Variants in COL25A1 observed in about 807,000 individuals in gnomAD.
COL25A1 encodes collagen type XXV alpha 1 chain.
In COL25A1, 103 loss-of-function variants were observed where a neutral mutation model predicts 128.4. The observed-to-expected ratio is 0.80, with a 90% CI of 0.68 to 0.94. The LOEUF (loss-of-function observed/expected upper bound fraction) is 0.94, where lower values mean the gene tolerates loss of function less well. COL25A1 is among the 40% of genes least tolerant of loss of function. The pLI is 0.00. For synonymous variants in COL25A1, 279 were observed against 277.2 expected, an observed-to-expected ratio of 1.01 and a Z score of -0.06; for missense variants, 745 against 840.0, an observed-to-expected ratio of 0.89 and a Z score of 1.40.
At chr4:109,301,679 G>A in intron 2 of COL25A1, 44 bp downstream of exon 2, 1 of 1,583,896 alleles carries the variant, frequency 6.3e-7, no homozygotes. Context: ...AGTCACGCTT[G>A]TACAAGATGT....
chr4:108,936,491 C>G (rs1317685903), intron 11 of COL25A1, among the ~76,000 whole-genome samples: 1 of 152,090 alleles, frequency 6.6e-6, no homozygotes, highest in Non-Finnish European at 1.5e-5. Context: ...CGCTTGAACC[C>G]AGGAGGTGGT....
intron 5 of COL25A1, among the ~76,000 whole-genome samples, chr4:109,024,421 G>C (rs1278932981): frequency 6.6e-6 from 1 of 151,420 alleles, no homozygotes. Context: ...ATATTTTCTA[G>C]GACATAATTT....
At chr4:109,278,599 A>C (rs1374337878) in intron 3 of COL25A1, among the ~76,000 whole-genome samples, 1 of 152,226 alleles carries the variant, frequency 6.6e-6, no homozygotes, top group Non-Finnish European at 1.5e-5. Flanking sequence ...TACACTGAGT[A>C]CTTAGGCCTG....
At chr4:108,954,349 A>AT (rs1161022088) in intron 8 of COL25A1, among the ~76,000 whole-genome samples, 1 of 152,096 alleles carries the variant, frequency 6.6e-6, no homozygotes, top group African/African-American at 2.4e-5. Context: ...AATGCAGTAC[A>AT]TTTTTTATAT....
intron 3 of COL25A1, among the ~76,000 whole-genome samples, chr4:109,052,680 GA>G (rs1761106354): frequency 6.6e-6 from 1 of 152,136 alleles, no homozygotes; most frequent in Admixed American, 6.6e-5. Flanking sequence ...GATGTTTGAA[GA>G]AGTCTACTGT....
chr4:108,963,552 C>T (rs970857860), intron 8 of COL25A1, among the ~76,000 whole-genome samples: 14 of 152,042 alleles, frequency 9.2e-5, no homozygotes, highest in Middle Eastern at 3.4e-3. Context: ...CCATTGTAGG[C>T]GTTAGTGCAA....
intron 6 of COL25A1, among the ~76,000 whole-genome samples, chr4:108,977,921 T>G (rs575737099): frequency 1.3e-5 from 2 of 152,226 alleles, no homozygotes; most frequent in Non-Finnish European, 2.9e-5. Flanking sequence ...CTTTTGCCAG[T>G]GAGATTTCAC....
chr4:109,259,547 A>G (rs936981546), intron 3 of COL25A1, among the ~76,000 whole-genome samples: 11 of 152,164 alleles, frequency 7.2e-5, no homozygotes, highest in Admixed American at 5.2e-4. Flanking sequence ...ATAAAGCCCA[A>G]AGGCAAGGTT....
At chr4:109,031,970 T>C (rs1352632844) in intron 5 of COL25A1, among the ~76,000 whole-genome samples, 1 of 152,212 alleles carries the variant, frequency 6.6e-6, no homozygotes, top group Non-Finnish European at 1.5e-5. Context: ...TAGCATTACA[T>C]TCTGCCTTAA....
intron 3 of COL25A1, among the ~76,000 whole-genome samples, chr4:109,178,504 T>G (rs1022707480): frequency 5.9e-5 from 9 of 152,120 alleles, no homozygotes; most frequent in Admixed American, 5.2e-4. Flanking sequence ...CTATCTGATC[T>G]CTGTAAGCCT....
rs1330022339 is a variant in COL25A1 at position 108,852,156 on chromosome 4, G to T, written c.1389+80C>A. 7.2e-6 allele frequency: 8 copies of T among 1,105,350 alleles called. No homozygotes were observed. The African/African-American group carries it at 1.1e-4, about 16-fold the overall frequency. 68.5% of individuals were successfully genotyped at this position (1,105,350 alleles called of 1,614,324 possible). On this transcript the variant is annotated intron_variant, in intron 26 of 37. Coordinates refer to ENST00000399132, the MANE Select transcript of COL25A1 (RefSeq NM_198721.4). ...AGCTTCTTCAGCATTTTGTAAGACTGATTTTCAAAGATGCATATACTTAAT... is the reference window on the plus strand; with the variant it reads ...AGCTTCTTCAGCATTTTGTAAGACTTATTTTCAAAGATGCATATACTTAAT...
chr4:108,991,629 C>T (rs1754239513), intron 6 of COL25A1, among the ~76,000 whole-genome samples: 1 of 150,712 alleles, frequency 6.6e-6, no homozygotes, highest in African/African-American at 2.4e-5. Context: ...TATGACAGTT[C>T]TGTTGTGTAG....
intron 3 of COL25A1, among the ~76,000 whole-genome samples, chr4:109,221,734 C>A (rs1778425789): frequency 6.6e-6 from 1 of 152,122 alleles, no homozygotes; most frequent in African/African-American, 2.4e-5. Flanking sequence ...GGGCTCTTAA[C>A]CAGTGTTACT....
At chr4:108,996,605 C>T (rs2126021681) in intron 6 of COL25A1, among the ~76,000 whole-genome samples, 1 of 152,292 alleles carries the variant, frequency 6.6e-6, no homozygotes, top group African/African-American at 2.4e-5. Context: ...GTGAACTCAG[C>T]TCTGGATCAA....
At chr4:109,242,234 G>T (rs1235557130) in intron 3 of COL25A1, among the ~76,000 whole-genome samples, 1 of 152,058 alleles carries the variant, frequency 6.6e-6, no homozygotes, top group Admixed American at 6.6e-5. Context: ...TTCACATCAT[G>T]TGTTTCAGAA....
At chr4:109,093,378 G>T (rs549865994) in intron 3 of COL25A1, among the ~76,000 whole-genome samples, 1 of 150,008 alleles carries the variant, frequency 6.7e-6, no homozygotes, top group Non-Finnish European at 1.5e-5. Flanking sequence ...TCAGTACTTT[G>T]GGAGGCCAAA....
chr4:109,044,136 T>C (rs1214284093), intron 5 of COL25A1, among the ~76,000 whole-genome samples: 5 of 152,040 alleles, frequency 3.3e-5, no homozygotes, highest in African/African-American at 9.7e-5. Flanking sequence ...TATAAATATA[T>C]ATATCTCAAA....
intron 24 of COL25A1, among the ~76,000 whole-genome samples, chr4:108,855,676 A>G (rs926434587): frequency 6.6e-6 from 1 of 152,168 alleles, no homozygotes; most frequent in African/African-American, 2.4e-5. Context: ...AATATTATTA[A>G]TAGTAACTGA....
At chr4:108,815,645 G>C (rs1007998045) in intron 37 of COL25A1, among the ~76,000 whole-genome samples, 1 of 151,954 alleles carries the variant, frequency 6.6e-6, no homozygotes, top group African/African-American at 2.4e-5. Context: ...GGAAAAAGGA[G>C]TATTTAAAAG....
Sources: allele counts gnomAD v4.1 joint callset (sites outside exome capture counted in the v4.1 genomes callset), GRCh38; gene constraint gnomAD v4.1.1; transcripts MANE v1.5; gene names NCBI Gene and HGNC (gene_info 2026-07-23, HGNC 2026-07-21).